The following KATNIP variants were observed in gnomAD, a reference collection of about 807,000 sequenced individuals.
KATNIP encodes katanin interacting protein.
Under a neutral mutation model 174.0 loss-of-function variants are expected in KATNIP, and 126 were observed. The ratio of observed to expected loss-of-function variants is 0.72; its 90% confidence interval spans 0.63 to 0.84. The LOEUF (loss-of-function observed/expected upper bound fraction) is 0.84. KATNIP is among the 40% of genes least tolerant of loss of function. KATNIP has a pLI of 0.00. For synonymous variants in KATNIP, 810 were observed against 835.7 expected (o/e 0.97, Z 0.53); for missense variants, 1,958 against 2,109.7 (o/e 0.93, Z 1.41).
chr16:27,778,717 C>T lies in KATNIP; in HGVS notation c.*88C>T. On this transcript the variant is annotated 3_prime_UTR_variant, in exon 28 of 28. Transcript: ENST00000261588. ...TGCCTGCGTCCCTCACCCTCAGTCC[C>T]AGGAGCTGGAAGCGAACCACAGTGT... 3 of 1,373,264 alleles carry T rather than the reference C, an allele frequency of 2.2e-6. No individual in the cohort carries two copies. The highest frequency in any genetic ancestry group is 3.0e-6 in the Non-Finnish European group (3 of 987,088). 85.1% of individuals were successfully genotyped at this position (1,373,264 alleles called of 1,614,324 possible).
chr16:27,631,004 C>G, intron 4 of KATNIP, 61 bp from the exon 5 acceptor site: 1 of 1,351,794 alleles, frequency 7.4e-7, no homozygotes, highest in Non-Finnish European at 1.0e-6. Context: ...ACAAACCAAC[C>G]CAGTACTGTG....
chr16:27,764,936 A>G (rs1201512784), intron 19 of KATNIP, among the ~76,000 whole-genome samples: 1 of 152,236 alleles, frequency 6.6e-6, no homozygotes, highest in Non-Finnish European at 1.5e-5. Flanking sequence ...CTTTTAGGGA[A>G]CAAAGAAACA....
intron 14 of KATNIP, among the ~76,000 whole-genome samples, chr16:27,736,065 C>T (rs780904316): frequency 6.6e-6 from 1 of 152,202 alleles, no homozygotes. Context: ...TACAATGGCA[C>T]GATCTCAGCT....
chr16:27,554,282 G>T (rs1239619787), intron 1 of KATNIP, among the ~76,000 whole-genome samples: 1 of 152,132 alleles, frequency 6.6e-6, no homozygotes, highest in Non-Finnish European at 1.5e-5. Flanking sequence ...GGCCAACATG[G>T]TGAAACCCTG....
chr16:27,656,630 TC>T (rs1315765163), intron 6 of KATNIP, among the ~76,000 whole-genome samples: 1 of 150,550 alleles, frequency 6.6e-6, no homozygotes. Flanking sequence ...TGAGTTCATG[TC>T]CTTTGTAGGG....
intron 2 of KATNIP, among the ~76,000 whole-genome samples, chr16:27,612,137 T>C (rs2075909165): frequency 1.3e-5 from 2 of 152,186 alleles, no homozygotes; most frequent in African/African-American, 4.8e-5. Context: ...TAACTAATGT[T>C]CATTGAGAGC....
At chr16:27,582,421 C>T (rs2090734156) in intron 2 of KATNIP, among the ~76,000 whole-genome samples, 1 of 152,192 alleles carries the variant, frequency 6.6e-6, no homozygotes, top group Non-Finnish European at 1.5e-5. Flanking sequence ...AGAACAAAAT[C>T]TATTTTAGAT....
intron 12 of KATNIP, among the ~76,000 whole-genome samples, chr16:27,706,501 G>A (rs889757013): frequency 2.6e-5 from 4 of 152,168 alleles, no homozygotes; most frequent in Non-Finnish European, 4.4e-5. Context: ...CAGCAAGAGC[G>A]GGGACAATGA....
intron 2 of KATNIP, among the ~76,000 whole-genome samples, chr16:27,589,499 G>C (rs1351532547): frequency 6.6e-6 from 1 of 152,322 alleles, no homozygotes; most frequent in African/African-American, 2.4e-5. Context: ...CTTACCCTTG[G>C]CCTAAATAAT....
At chr16:27,670,200 C>A (rs754223502) in intron 6 of KATNIP, among the ~76,000 whole-genome samples, 2 of 152,158 alleles carry the variant, frequency 1.3e-5, no homozygotes, top group Non-Finnish European at 2.9e-5. Context: ...ATTTGAGATG[C>A]ATTTGGGGTT....
chr16:27,660,456 G>A (rs2077436945), intron 6 of KATNIP, among the ~76,000 whole-genome samples: 1 of 152,126 alleles, frequency 6.6e-6, no homozygotes, highest in African/African-American at 2.4e-5. Flanking sequence ...GGCTGAGACA[G>A]GAGAATCACT....
chr16:27,579,785 G>C (rs540720191), intron 2 of KATNIP, among the ~76,000 whole-genome samples: 50 of 152,106 alleles, frequency 3.3e-4, no homozygotes, highest in Non-Finnish European at 5.9e-4. Context: ...AACTGACTTT[G>C]CAAGGATTGC....
intron 13 of KATNIP, among the ~76,000 whole-genome samples, chr16:27,721,215 T>G (rs1201024820): frequency 6.6e-6 from 1 of 152,204 alleles, no homozygotes; most frequent in Non-Finnish European, 1.5e-5. Flanking sequence ...CATCCTTCTC[T>G]CTAGCGTCTT....
rs966459977 is a variant in KATNIP at position 27,637,872 on chromosome 16, C to G, written c.408+6710C>G. 1.3e-5 allele frequency among the ~76,000 whole-genome samples: 2 copies of G among 152,184 alleles called. No individual in the cohort carries two copies. The highest frequency in any genetic ancestry group is 3.4e-3 in the Middle Eastern group (1 of 294). On this transcript the variant is annotated intron_variant, in intron 5 of 27. Coordinates refer to ENST00000261588, the MANE Select transcript of KATNIP (RefSeq NM_015202.5). This position sits in a 1 kb window ranked among gnomAD's most constrained non-coding sequence, Gnocchi z 4.7. ...GGTTCATGTGTGCAGAAAGGACCGC[C>G]CATGGGAGCAAGGGGCTACAGGAGG...
intron 8 of KATNIP, among the ~76,000 whole-genome samples, chr16:27,686,189 C>A (rs2078516702): frequency 6.6e-6 from 1 of 152,182 alleles, no homozygotes; most frequent in African/African-American, 2.4e-5. Context: ...GAATCACAAA[C>A]CAACTCACTC....
chr16:27,606,670 TCATTGTCTTC>T lies in KATNIP; in HGVS notation c.64-11750_64-11741del, dbSNP rs577921508. The stretch of plus-strand genomic sequence containing the variant: ...ATCTAGTTGCTATTTGGCCTGTCTC[TCATTGTCTTC>T]CATTCTGCTGTCTCTATGTTTGTGT... On this transcript the variant is annotated intron_variant, in intron 2 of 27. Transcript: ENST00000261588. Among the ~76,000 whole-genome samples, 16 of 152,158 alleles carry T rather than the reference TCATTGTCTTC, an allele frequency of 1.1e-4. No individual in the cohort carries two copies. The South Asian group carries it at 3.1e-3, about 30-fold the overall frequency.
chr16:27,747,713 A>G (rs1295853778), intron 15 of KATNIP, among the ~76,000 whole-genome samples: 1 of 144,304 alleles, frequency 6.9e-6, no homozygotes, highest in Non-Finnish European at 1.5e-5. Flanking sequence ...GAGCAAAACA[A>G]TCCCACTGGA....
intron 6 of KATNIP, chr16:27,654,838 GAAAA>G (rs1191662487): frequency 8.8e-7 from 1 of 1,131,472 alleles, no homozygotes; most frequent in Non-Finnish European, 1.2e-6. Flanking sequence ...GAGAGTCTAG[GAAAA>G]CCACAGGGCG....
At chr16:27,563,540 C>G (rs2089969237) in intron 1 of KATNIP, among the ~76,000 whole-genome samples, 1 of 151,900 alleles carries the variant, frequency 6.6e-6, no homozygotes, top group African/African-American at 2.4e-5. Flanking sequence ...AGAAAGACTG[C>G]AGGGAAGAGG....
Sources: gnomAD v4.1 joint callset for allele counts (sites outside exome capture counted in the v4.1 genomes callset) on GRCh38, gnomAD v4.1.1 for gene constraint, Gnocchi (gnomAD v3.1) non-coding constraint, MANE v1.5 for transcripts, NCBI Gene and HGNC (gene_info 2026-07-23, HGNC 2026-07-21) for gene names.